KCNMB4: variants seen among roughly 807,000 people sequenced by gnomAD.
The protein encoded by KCNMB4 is potassium calcium-activated channel subfamily M regulatory beta subunit 4.
A neutral mutation model predicts 20.7 loss-of-function variants in KCNMB4; 3 were observed. That is an observed-to-expected ratio of 0.14 (90% CI 0.07 to 0.37). The LOEUF (loss-of-function observed/expected upper bound fraction) is 0.37. Ranked by LOEUF, KCNMB4 falls within the 10% of genes least tolerant of loss-of-function variation. The probability of loss-of-function intolerance (pLI) is 1.00; values close to 1 mark genes in which losing one functional copy is unlikely to be tolerated. For missense variants in KCNMB4, 168 were observed against 265.9 expected (o/e 0.63, Z 2.56); for synonymous variants, 110 against 113.4 (o/e 0.97, Z 0.19).
chr12:70,368,408 AT>A (rs1451365310), intron 1 of KCNMB4, among the ~76,000 whole-genome samples: 1 of 152,222 alleles, frequency 6.6e-6, no homozygotes, highest in East Asian at 1.9e-4. Flanking sequence ...CGACAAATGA[AT>A]ATTGATTTAC....
intron 2 of KCNMB4, among the ~76,000 whole-genome samples, chr12:70,420,870 A>G (rs1286944862): frequency 6.6e-6 from 1 of 152,018 alleles, no homozygotes; most frequent in Non-Finnish European, 1.5e-5. Context: ...CATCCTGGCT[A>G]ACACGGTGAA....
intron 1 of KCNMB4, among the ~76,000 whole-genome samples, chr12:70,387,208 C>T (rs773261244): frequency 1.3e-4 from 19 of 150,154 alleles, no homozygotes; most frequent in Non-Finnish European, 2.8e-4. Context: ...ATTCCGACAG[C>T]TGTGTGTGAA....
intron 1 of KCNMB4, among the ~76,000 whole-genome samples, chr12:70,368,991 C>G (rs576310115): frequency 6.6e-6 from 1 of 152,130 alleles, no homozygotes; most frequent in Non-Finnish European, 1.5e-5. Flanking sequence ...TCTCTCTCCC[C>G]TGAAAATAAT....
chr12:70,373,584 A>G (rs1265868568), intron 1 of KCNMB4, among the ~76,000 whole-genome samples: 1 of 152,246 alleles, frequency 6.6e-6, no homozygotes, highest in African/African-American at 2.4e-5. Flanking sequence ...GAATTGTAAG[A>G]TAATAAATTT....
intron 2 of KCNMB4, among the ~76,000 whole-genome samples, chr12:70,404,907 CAA>C (rs1491465989): frequency 6.6e-6 from 1 of 152,160 alleles, no homozygotes; most frequent in African/African-American, 2.4e-5. Flanking sequence ...GAAGCGAAGA[CAA>C]AGAGTGCATA....
intron 2 of KCNMB4, among the ~76,000 whole-genome samples, chr12:70,403,879 C>T (rs577548278): frequency 1.3e-5 from 2 of 152,296 alleles, no homozygotes; most frequent in South Asian, 4.1e-4. Context: ...TAATATCTAG[C>T]ACAATGTCTG....
In KCNMB4 at chr12:70,414,240, A is replaced by C. The variant is rs145976349; in HGVS notation, c.464+13904A>C. Among the ~76,000 whole-genome samples the C allele has an allele frequency of 8.0e-3, 1,216 of 152,290 alleles. 19 individuals carry two copies. The highest frequency in any genetic ancestry group is 0.028 in the African/African-American group (1,168 of 41,548). On this transcript the variant is annotated intron_variant, in intron 2 of 2. Transcript: ENST00000258111. ...GAGCGAGACTCTGTCTCAAAAAAAAAGATTTTGGAAATAAATTATGTGAAT... is the reference window on the plus strand; with the variant it reads ...GAGCGAGACTCTGTCTCAAAAAAAACGATTTTGGAAATAAATTATGTGAAT...
At chr12:70,410,606 T>G (rs559393278) in intron 2 of KCNMB4, among the ~76,000 whole-genome samples, 2 of 152,346 alleles carry the variant, frequency 1.3e-5, no homozygotes, top group Non-Finnish European at 2.9e-5. Flanking sequence ...TCTTAAGAGC[T>G]TCTGTTTTGG....
chr12:70,404,138 A>G (rs1465493839), intron 2 of KCNMB4, among the ~76,000 whole-genome samples: 1 of 152,228 alleles, frequency 6.6e-6, no homozygotes, highest in Non-Finnish European at 1.5e-5. Context: ...AATATGGAGT[A>G]ATGAGTTTGT....
chr12:70,431,396 C>A lies in KCNMB4; in HGVS notation c.*743C>A, dbSNP rs1229417478. On this transcript the variant is annotated 3_prime_UTR_variant, in exon 3 of 3. Coordinates refer to ENST00000258111, the MANE Select transcript of KCNMB4 (RefSeq NM_014505.6). ...GGCTTCTATCTCAAAAAGCACTGGG[C>A]TTCCTTATTCATCTGTTCTTGTTGT... The A allele has an allele frequency of 6.6e-6, 1 of 152,070 alleles. No individual in the cohort carries two copies. The highest frequency in any genetic ancestry group is 1.5e-5 in the Non-Finnish European group (1 of 68,036). 9.4% of individuals were successfully genotyped at this position (152,070 alleles called of 1,614,324 possible).
intron 2 of KCNMB4, among the ~76,000 whole-genome samples, chr12:70,429,887 C>T (rs1869313485): frequency 6.6e-6 from 1 of 152,056 alleles, no homozygotes; most frequent in Admixed American, 6.6e-5. Context: ...AAAATGACGG[C>T]TAATTTCACC....
chr12:70,372,348 C>T (rs1305104198), intron 1 of KCNMB4, among the ~76,000 whole-genome samples: 1 of 152,168 alleles, frequency 6.6e-6, no homozygotes, highest in Non-Finnish European at 1.5e-5. Context: ...TGATCCCTCT[C>T]GCTGCTGAGT....
chr12:70,387,819 A>G (rs1868269700), intron 1 of KCNMB4, among the ~76,000 whole-genome samples: 1 of 152,208 alleles, frequency 6.6e-6, no homozygotes, highest in African/African-American at 2.4e-5. Context: ...TTGAGTTACA[A>G]ACAATCCAGT....
At chr12:70,381,904 C>A (rs1171719414) in intron 1 of KCNMB4, among the ~76,000 whole-genome samples, 2 of 151,916 alleles carry the variant, frequency 1.3e-5, no homozygotes, top group East Asian at 3.9e-4. Flanking sequence ...AATCTCTTGC[C>A]CAAAAAATAA....
At chr12:70,408,756 A>G (rs564251983) in intron 2 of KCNMB4, among the ~76,000 whole-genome samples, 1 of 152,114 alleles carries the variant, frequency 6.6e-6, no homozygotes, top group African/African-American at 2.4e-5. Context: ...CTCCTTCCAA[A>G]ATGTGTAGAT....
intron 2 of KCNMB4, among the ~76,000 whole-genome samples, chr12:70,410,182 A>G (rs759029559): frequency 6.6e-6 from 1 of 152,236 alleles, no homozygotes; most frequent in African/African-American, 2.4e-5. Flanking sequence ...ACTTAAATCT[A>G]TCTGTGCCTC....
At chr12:70,422,583 G>C in intron 2 of KCNMB4, 2 of 597,162 alleles carry the variant, frequency 3.3e-6, no homozygotes, top group Admixed American at 3.1e-5. Flanking sequence ...TTCAATGGAA[G>C]AGCAACAAAG....
At chr12:70,393,273 G>C (rs1357288364) in intron 1 of KCNMB4, among the ~76,000 whole-genome samples, 3 of 152,062 alleles carry the variant, frequency 2.0e-5, no homozygotes, top group Non-Finnish European at 2.9e-5. Context: ...CGCGATCTCG[G>C]CTCACTACAA....
intron 2 of KCNMB4, among the ~76,000 whole-genome samples, chr12:70,422,001 C>T (rs544446543): frequency 4.0e-5 from 6 of 151,844 alleles, no homozygotes; most frequent in South Asian, 2.1e-4. Flanking sequence ...AATGAGGAGC[C>T]GCTGTTTTTT....
Sources: gnomAD v4.1 joint callset for allele counts (sites outside exome capture counted in the v4.1 genomes callset) on GRCh38, gnomAD v4.1.1 for gene constraint, MANE v1.5 for transcripts, NCBI Gene and HGNC (gene_info 2026-07-23, HGNC 2026-07-21) for gene names.